The following PDE1C variants were observed in gnomAD, a reference collection of about 807,000 sequenced individuals.
The protein encoded by PDE1C is dual specificity calcium/calmodulin-dependent 3',5'-cyclic nucleotide phosphodiesterase 1C.
Under a neutral mutation model 93.1 loss-of-function variants are expected in PDE1C, and 62 were observed. That is an observed-to-expected ratio of 0.67 (90% CI 0.54 to 0.82). The LOEUF is 0.82. Among genes scored for constraint, PDE1C ranks in the 40% least tolerant of loss-of-function variants. PDE1C has a pLI of 0.00. For synonymous variants in PDE1C, 325 were observed against 310.1 expected (o/e 1.05, Z -0.50); for missense variants, 742 against 884.6 (o/e 0.84, Z 2.04).
Position 32,368,062 on chromosome 7 carries a change from A to G in PDE1C, c.310+59760T>C, listed in dbSNP as rs140348447. ...ATAACAAATCCAGAGCAAACATCAC[A>G]CTGAATGCCTGGAACAAGACAAGGG... On this transcript the variant is annotated intron_variant, in intron 1 of 1. Coordinates refer to the PDE1C transcript ENST00000672256. 5.4e-3 allele frequency among the ~76,000 whole-genome samples: 816 copies of G among 152,224 alleles called. 12 individuals carry two copies. The highest frequency in any genetic ancestry group is 0.019 in the African/African-American group (776 of 41,546).
rs1467405167 is a variant in PDE1C, at chr7:32,387,374, C to T, written c.310+40448G>A. On this transcript the variant is annotated intron_variant, in intron 1 of 1. Transcript: ENST00000672256. ...CCGCCATTGTCATCATGGCCCATCC[C>T]CAATGAGCCGCTGGGCACACCTCCC... Among the ~76,000 whole-genome samples the T allele has an allele frequency of 5.7e-4, 87 of 151,796 alleles. 1 individual carries two copies. In the Middle Eastern group the frequency reaches 0.01, roughly 18 times the overall value.
chr7:32,126,222 TAGATA>T (rs1799572475), intron 3 of PDE1C, among the ~76,000 whole-genome samples: 1 of 151,446 alleles, frequency 6.6e-6, no homozygotes, highest in East Asian at 1.9e-4. Context: ...GATAGATAGA[TAGATA>T]GATAGATAGA....
intron 2 of PDE1C, among the ~76,000 whole-genome samples, chr7:32,038,886 T>C (rs1791461200): frequency 6.6e-6 from 1 of 152,218 alleles, no homozygotes; most frequent in African/African-American, 2.4e-5. Flanking sequence ...AGCTTTACAA[T>C]GGCTTCATCA....
At chr7:32,168,847 T>A (rs1490231192) in intron 3 of PDE1C, among the ~76,000 whole-genome samples, 1 of 152,148 alleles carries the variant, frequency 6.6e-6, no homozygotes, top group African/African-American at 2.4e-5. Flanking sequence ...ATTACACATA[T>A]CACCTGGATA....
intron 17 of PDE1C, among the ~76,000 whole-genome samples, chr7:31,775,422 G>A (rs1795760154): frequency 1.3e-5 from 2 of 152,074 alleles, no homozygotes; most frequent in South Asian, 4.2e-4. Flanking sequence ...ACATCAAAGA[G>A]GACCAAAATT....
chr7:31,637,597 C>T, the PDE1C span, among the ~76,000 whole-genome samples: 104 of 152,020 alleles, frequency 6.8e-4, no homozygotes, highest in East Asian at 5.2e-3. Context: ...TGTTTTTTCT[C>T]GTAAATTTGT....
chr7:32,361,373 TTA>T (rs1784133452), intron 1 of PDE1C, among the ~76,000 whole-genome samples: 1 of 152,224 alleles, frequency 6.6e-6, no homozygotes, highest in Non-Finnish European at 1.5e-5. Context: ...AGCAGCAGGA[TTA>T]TATGTCATCT....
intron 2 of PDE1C, among the ~76,000 whole-genome samples, chr7:31,984,232 A>G (rs1783077199): frequency 6.6e-6 from 1 of 152,168 alleles, no homozygotes; most frequent in South Asian, 2.1e-4. Flanking sequence ...TGTCAGATCA[A>G]CTGAGGCATT....
intron 2 of PDE1C, among the ~76,000 whole-genome samples, chr7:31,895,991 T>A (rs79744940): frequency 3.4e-5 from 5 of 148,486 alleles, no homozygotes; most frequent in African/African-American, 7.6e-5. Flanking sequence ...ACACTCTCCC[T>A]TACATACATA....
chr7:32,331,118 C>A (rs1394591249), intron 1 of PDE1C, among the ~76,000 whole-genome samples: 1 of 152,172 alleles, frequency 6.6e-6, no homozygotes, highest in Non-Finnish European at 1.5e-5. Context: ...GACAGGGAAG[C>A]AACAAACCCT....
At chr7:32,009,561 G>A (rs1402682636) in intron 2 of PDE1C, among the ~76,000 whole-genome samples, 1 of 152,162 alleles carries the variant, frequency 6.6e-6, no homozygotes, top group Non-Finnish European at 1.5e-5. Context: ...GAGAAAAGGT[G>A]CCAACCTGAT....
intron 3 of PDE1C, 146 bp from the exon 4 acceptor site, chr7:31,879,324 T>G (rs1328842697): frequency 1.4e-5 from 10 of 715,216 alleles, no homozygotes; most frequent in Non-Finnish European, 2.3e-5. Flanking sequence ...CAGTGCCTTT[T>G]TGGTAAGGCT....
chr7:32,261,047 T>G lies in PDE1C; in HGVS notation c.85+37604A>C, dbSNP rs537200502. Among the ~76,000 whole-genome samples, 13 of 151,352 alleles carry G rather than the reference T, an allele frequency of 8.6e-5. No individual in the cohort carries two copies. In the South Asian group the frequency reaches 2.7e-3, roughly 32 times the overall value. ...ATTGCTTGAACCTGGGAGGTGGAGG[T>G]TGCAGTGAGCTGAGATCGCACCACT... On this transcript the variant is annotated intron_variant, in intron 1 of 18. Transcript: ENST00000396193.
intron 2 of PDE1C, among the ~76,000 whole-genome samples, chr7:32,041,148 C>A (rs1016113510): frequency 6.6e-6 from 1 of 152,172 alleles, no homozygotes; most frequent in African/African-American, 2.4e-5. Context: ...TAGACTATTT[C>A]ATTCCAGGCT....
Position 31,761,285 on chromosome 7 carries a change from C to T in PDE1C, c.1961-7732G>A, listed in dbSNP as rs542871645. Among the ~76,000 whole-genome samples the T allele has an allele frequency of 3.3e-5, 5 of 152,226 alleles. No individual in the cohort carries two copies. In the South Asian group the frequency reaches 1.0e-3, roughly 32 times the overall value. The stretch of plus-strand genomic sequence containing the variant: ...TAAAAGAGTCAAGTCAAAATTGTAT[C>T]TCATTTATATTATTAACATTTAGGT... On this transcript the variant is annotated intron_variant, in intron 17 of 17. Coordinates refer to ENST00000396191, the MANE Select transcript of PDE1C (RefSeq NM_001191057.4).
chr7:32,409,832 C>CATACATAT (rs1315095913), intron 1 of PDE1C, among the ~76,000 whole-genome samples: 9 of 151,378 alleles, frequency 5.9e-5, no homozygotes, highest in African/African-American at 2.2e-4. Flanking sequence ...TATATGTATA[C>CATACATAT]ATACATATAT....
chr7:31,752,417 T>C lies in PDE1C; in HGVS notation c.*967A>G, dbSNP rs1304019463. 1 of 152,164 alleles carries C rather than the reference T, an allele frequency of 6.6e-6. No homozygotes were observed. Among genetic ancestry groups the C allele is most frequent in the Non-Finnish European group, 1.5e-5 (1 of 68,018 alleles). 9.4% of individuals were successfully genotyped at this position (152,164 alleles called of 1,614,324 possible). A position where few individuals can be genotyped will look rare whatever the true frequency, so the allele number is the denominator to read the frequency against. On this transcript the variant is annotated 3_prime_UTR_variant, in exon 18 of 18. Transcript: ENST00000396191. ...CAAGGGCTTTAGATATGTAGCGTGCTGTGAAGAGGATCTGAAATGTAACTT... is the reference window on the plus strand; with the variant it reads ...CAAGGGCTTTAGATATGTAGCGTGCCGTGAAGAGGATCTGAAATGTAACTT...
intron 17 of PDE1C, among the ~76,000 whole-genome samples, chr7:31,756,705 T>C (rs1296256176): frequency 6.6e-6 from 1 of 152,104 alleles, no homozygotes; most frequent in African/African-American, 2.4e-5. Context: ...CCCCACCTCA[T>C]CCCTTCTAGG....
the PDE1C span, among the ~76,000 whole-genome samples, chr7:31,662,555 A>G: frequency 2.0e-5 from 3 of 151,246 alleles, no homozygotes; most frequent in Non-Finnish European, 4.4e-5. Flanking sequence ...TCTGTGTTGT[A>G]TAAGTGTATG....
Sources: gnomAD v4.1 joint callset for allele counts (sites outside exome capture counted in the v4.1 genomes callset) on GRCh38, gnomAD v4.1.1 for gene constraint, MANE v1.5 for transcripts, NCBI Gene and HGNC (gene_info 2026-07-23, HGNC 2026-07-21) for gene names.